PABPC1L: variants seen among roughly 807,000 people sequenced by gnomAD.
The protein encoded by PABPC1L is poly(A) binding protein cytoplasmic 1 like.
In PABPC1L, 31 loss-of-function variants were observed where a neutral mutation model predicts 66.6. The ratio of observed to expected loss-of-function variants is 0.47; its 90% CI spans 0.35 to 0.63. The LOEUF (loss-of-function observed/expected upper bound fraction) is 0.63, where lower values mean the gene tolerates loss of function less well. PABPC1L is among the 20% of genes least tolerant of loss of function. The probability of loss-of-function intolerance (pLI) is 0.00; values close to 1 mark genes in which losing one functional copy is unlikely to be tolerated. For synonymous variants in PABPC1L, 348 were observed against 335.1 expected (o/e 1.04, Z -0.42); for missense variants, 722 against 848.8 (o/e 0.85, Z 1.86).
At chr20:44,924,051 G>A in intron 6 of PABPC1L, 110 bp from the exon 7 acceptor site, 1 of 835,472 alleles carries the variant, frequency 1.2e-6, no homozygotes, top group Non-Finnish European at 2.0e-6. Context: ...AGGAGGCTGG[G>A]CTGGTGGGGC....
In PABPC1L at chr20:44,919,037, C is replaced by A. The variant is rs1361091243; in HGVS notation, c.635C>A (p.Ser212Tyr). 6.2e-7 allele frequency: 1 copy of A among 1,611,256 alleles called. No individual in the cohort carries two copies. The highest frequency in any genetic ancestry group is 2.2e-5 in the East Asian group (1 of 44,866). Residue 212 changes from serine to tyrosine, a missense_variant, in exon 4 of 15, where the codon TCC becomes TAC. Around this residue, in one of 3 missense-constraint regions of PABPC1L, gnomAD observed 284 missense variants for 294.8 expected, o/e 0.96. Transcript: ENST00000217073. The stretch of plus-strand genomic sequence containing the variant: ...GAGCAAGGCCTGCAGGACCTCTTCT[C>A]CCAGTTTGGTGGGTGTGTCCCCAAG... The part of the protein sequence containing the change: ...VDEQGLQDLF[S>Y]QFGKMLSVKV...
chr20:44,932,490 G>T, intron 9 of PABPC1L, 58 bp downstream of exon 9: 1 of 1,480,996 alleles, frequency 6.8e-7, no homozygotes, highest in Non-Finnish European at 9.3e-7. Context: ...GCCCCGTGAG[G>T]CAGTCATAAC....
intron 7 of PABPC1L, among the ~76,000 whole-genome samples, chr20:44,927,640 T>C (rs1015961971): frequency 3.3e-5 from 5 of 152,130 alleles, no homozygotes; most frequent in African/African-American, 1.2e-4. Flanking sequence ...TGAGCCACTG[T>C]GCCCGGCCCT....
intron 10 of PABPC1L, among the ~76,000 whole-genome samples, chr20:44,934,645 G>A (rs1054471370): frequency 1.6e-4 from 25 of 152,290 alleles, no homozygotes; most frequent in East Asian, 1.5e-3. Flanking sequence ...ATGTTGTGGC[G>A]TGTGTCAGAA....
intron 7 of PABPC1L, among the ~76,000 whole-genome samples, chr20:44,928,368 C>T (rs1182980160): frequency 2.0e-5 from 3 of 152,138 alleles, no homozygotes; most frequent in Admixed American, 6.5e-5. Context: ...CCATTGCGCT[C>T]GGCTGAGATT....
intron 6 of PABPC1L, among the ~76,000 whole-genome samples, chr20:44,923,457 C>T (rs1030887997): frequency 2.8e-4 from 43 of 151,732 alleles, no homozygotes; most frequent in African/African-American, 9.0e-4. Context: ...AGGAGAAACC[C>T]GTCTCTACTA....
chr20:44,930,677 TG>T lies in PABPC1L; in HGVS notation c.1193del (p.Gly398AlafsTer29), dbSNP rs751599006. On this transcript the variant is annotated frameshift_variant, in exon 8 of 15. Transcript: ENST00000217073. LOFTEE classifies it high-confidence loss of function. ...ATGCGGACCCTGAGCAACCCCCTCC[TG>T]GGCTCCTTTCAGCAGCCCTCCAGCT... ...STMRTLSNPL[L>X]GSFQQPSSYF... 3.1e-6 allele frequency: 5 copies of T among 1,614,126 alleles called. No homozygotes were observed. The highest frequency in any genetic ancestry group is 4.2e-6 in the Non-Finnish European group (5 of 1,180,020).
chr20:44,935,532 G>T, intron 11 of PABPC1L, 35 bp downstream of exon 11: 1 of 1,579,760 alleles, frequency 6.3e-7, no homozygotes, highest in Non-Finnish European at 8.7e-7. Context: ...CTTAGCCTGG[G>T]CTCCTGGCCG....
At chr20:44,922,738 C>T (rs1165140587) in intron 6 of PABPC1L, among the ~76,000 whole-genome samples, 1 of 152,210 alleles carries the variant, frequency 6.6e-6, no homozygotes, top group African/African-American at 2.4e-5. Flanking sequence ...TACATATCCA[C>T]ACAAAACACG....
At chr20:44,914,409 C>T (rs1383448438) in intron 2 of PABPC1L, among the ~76,000 whole-genome samples, 4 of 151,960 alleles carry the variant, frequency 2.6e-5, no homozygotes, top group Admixed American at 6.6e-5. Flanking sequence ...GGGGTTTCAC[C>T]GTGTTAGCCA....
intron 6 of PABPC1L, among the ~76,000 whole-genome samples, chr20:44,922,979 G>A (rs2425688): frequency 0.67 from 101,197 of 152,142 alleles, 34,010 homozygotes; most frequent in African/African-American, 0.76. Flanking sequence ...ACATCCTCTT[G>A]TGTACATACA....
chr20:44,912,926 A>G (rs2145553189), intron 2 of PABPC1L, 73 bp downstream of exon 2: 1 of 1,393,574 alleles, frequency 7.2e-7, no homozygotes, highest in Non-Finnish European at 9.9e-7. Context: ...GTGACAAGCA[A>G]CACCTCACTT....
At chr20:44,928,108 GC>G (rs1412283722) in intron 7 of PABPC1L, among the ~76,000 whole-genome samples, 2 of 152,014 alleles carry the variant, frequency 1.3e-5, no homozygotes, top group Middle Eastern at 3.4e-3. Flanking sequence ...CCACTCTGTC[GC>G]CCAGACTGGA....
At chr20:44,914,757 T>G (rs1442774504) in intron 2 of PABPC1L, among the ~76,000 whole-genome samples, 2 of 152,218 alleles carry the variant, frequency 1.3e-5, no homozygotes, top group Non-Finnish European at 2.9e-5. Context: ...ATGGCAGATT[T>G]ATCATGTACT....
At chr20:44,930,944 C>G (rs1601120968) in intron 8 of PABPC1L, among the ~76,000 whole-genome samples, 1 of 152,150 alleles carries the variant, frequency 6.6e-6, no homozygotes, top group East Asian at 1.9e-4. Context: ...CTGAAAAAGA[C>G]TCTTAATGAT....
chr20:44,930,943 ACT>A (rs1392561469), intron 8 of PABPC1L, among the ~76,000 whole-genome samples: 2 of 151,986 alleles, frequency 1.3e-5, no homozygotes. Context: ...GCTGAAAAAG[ACT>A]CTTAATGATC....
chr20:44,930,636 G>T lies in PABPC1L; in HGVS notation c.1149G>T (p.Met383Ile). Residue 383 changes from methionine (M) to isoleucine (I), a missense_variant, in exon 8 of 15, where the codon ATG becomes ATT. Met to Ile is a conservative substitution (Grantham distance 10). This residue lies in a region of PABPC1L where 301 missense variants were observed against 337.2 expected (regional missense o/e 0.89). Transcript: ENST00000217073. ...AGGCCATCTTGACCAACCAGTACAT[G>T]CAGCGCCTCTCCACCATGCGGACCC... ...ERKAILTNQY[M>I]QRLSTMRTLS... 1 of 1,614,236 alleles carries T rather than the reference G, an allele frequency of 6.2e-7. No homozygotes were observed. The highest frequency in any genetic ancestry group is 1.1e-5 in the South Asian group (1 of 91,088).
chr20:44,918,924 G>A lies in PABPC1L; in HGVS notation c.522G>A (p.Lys174=), dbSNP rs2066754397. 1.3e-6 allele frequency: 2 copies of A among 1,598,738 alleles called. No homozygotes were observed. Among genetic ancestry groups the A allele is most frequent in the Non-Finnish European group, 1.7e-6 (2 of 1,172,606 alleles). ...TCCACAGCTTTGTGGGTCACTTCAAGTCTCGACGGGAGCGGGAGGCGGAGC... is the reference window on the plus strand; with the variant it reads ...TCCACAGCTTTGTGGGTCACTTCAAATCTCGACGGGAGCGGGAGGCGGAGC... The part of the protein sequence containing the change: ...NDRKVFVGHF[K]SRREREAELG... Residue 174 remains lysine, a synonymous_variant, in exon 4 of 15, where the codon AAG becomes AAA. Transcript: ENST00000217073.
intron 10 of PABPC1L, among the ~76,000 whole-genome samples, chr20:44,934,541 AC>A (rs1370751864): frequency 1.3e-5 from 2 of 152,096 alleles, no homozygotes; most frequent in African/African-American, 4.8e-5. Context: ...TGTGAATTTG[AC>A]TGTTCTTGCT....
Sources: gnomAD v4.1 joint callset for allele counts (sites outside exome capture counted in the v4.1 genomes callset) on GRCh38, gnomAD v4.1.1 for gene constraint, gnomAD v4.1.1 regional missense constraint, MANE v1.5 for transcripts, NCBI Gene and HGNC (gene_info 2026-07-23, HGNC 2026-07-21) for gene names.